Variants in ADGRG7 observed in about 807,000 individuals in gnomAD.
ADGRG7 encodes adhesion G protein-coupled receptor G7, also known as G-protein coupled receptor 128.
Under a neutral mutation model 88.6 loss-of-function variants are expected in ADGRG7, and 82 were observed. The ratio of observed to expected loss-of-function variants is 0.93; its 90% CI spans 0.77 to 1.11. ADGRG7 has a LOEUF of 1.11. Among genes scored for constraint, ADGRG7 ranks in the 50% most tolerant of loss-of-function variants. The pLI, the probability that ADGRG7 is intolerant of heterozygous loss-of-function variation, is 0.00. For synonymous variants in ADGRG7, 381 were observed against 345.2 expected (o/e 1.10, Z -1.15); for missense variants, 945 against 953.4 (o/e 0.99, Z 0.12).
At chr3:100,680,810 C>T (rs917901277) in intron 15 of ADGRG7, among the ~76,000 whole-genome samples, 4 of 152,072 alleles carry the variant, frequency 2.6e-5, no homozygotes, top group African/African-American at 9.7e-5. Flanking sequence ...ACCTGCTATG[C>T]AATGTTCTTA....
chr3:100,635,753 CT>C lies in ADGRG7; in HGVS notation c.525del (p.Ala176LeufsTer30). ...QILTSDANKL[T>X]AENITSATRV... ...TTAACATCTGATGCCAATAAATTAA[CT>C]GCTGAGAACATCACTAGTGCTACGC... On this transcript the variant is annotated frameshift_variant, in exon 5 of 16. Transcript: ENST00000273352. LOFTEE classifies it high-confidence loss of function. 6.2e-7 allele frequency: 1 copy of C among 1,613,980 alleles called. No homozygotes were observed. Among genetic ancestry groups the C allele is most frequent in the South Asian group, 1.1e-5 (1 of 91,068 alleles).
intron 15 of ADGRG7, among the ~76,000 whole-genome samples, chr3:100,684,095 G>A (rs1158311893): frequency 6.6e-6 from 1 of 152,002 alleles, no homozygotes; most frequent in East Asian, 1.9e-4. Flanking sequence ...GTCTAGCAGT[G>A]TACCAACTTC....
At chr3:100,692,116 G>A (rs1393278704) in intron 15 of ADGRG7, among the ~76,000 whole-genome samples, 1 of 152,224 alleles carries the variant, frequency 6.6e-6, no homozygotes, top group Non-Finnish European at 1.5e-5. Context: ...AATGGAAATT[G>A]TTAGGAAGGG....
intron 15 of ADGRG7, among the ~76,000 whole-genome samples, chr3:100,691,135 G>A (rs1311181211): frequency 6.6e-6 from 1 of 152,216 alleles, no homozygotes; most frequent in East Asian, 1.9e-4. Context: ...CAATGAGCAA[G>A]CCTCCATGGG....
At chr3:100,654,138 C>T (rs1032083326) in intron 11 of ADGRG7, 2 of 152,262 alleles carry the variant, frequency 1.3e-5, no homozygotes, top group African/African-American at 4.8e-5. Context: ...TCCCACAGCT[C>T]CACCCCGTTC....
chr3:100,690,778 A>G (rs1415227668), intron 15 of ADGRG7, among the ~76,000 whole-genome samples: 1 of 152,074 alleles, frequency 6.6e-6, no homozygotes, highest in South Asian at 2.1e-4. Flanking sequence ...GTCCGCCCCT[A>G]CTTGGGGGTG....
chr3:100,675,402 A>T (rs539035072), intron 15 of ADGRG7, among the ~76,000 whole-genome samples: 4 of 152,192 alleles, frequency 2.6e-5, no homozygotes, highest in Admixed American at 2.0e-4. Flanking sequence ...ACATTGATTG[A>T]TTTGCATATG....
intron 6 of ADGRG7, among the ~76,000 whole-genome samples, chr3:100,640,795 T>C (rs1164800306): frequency 6.6e-6 from 1 of 152,138 alleles, no homozygotes; most frequent in Non-Finnish European, 1.5e-5. Flanking sequence ...CTGTTGGGGT[T>C]ATAGGCGTGA....
chr3:100,637,403 G>T lies in ADGRG7; in HGVS notation c.698+1G>T. 6.2e-7 allele frequency: 1 copy of T among 1,605,740 alleles called. No individual in the cohort carries two copies. Among genetic ancestry groups the T allele is most frequent in the Non-Finnish European group, 8.5e-7 (1 of 1,172,856 alleles). On this transcript the variant is annotated splice_donor_variant, in intron 6 of 15. Coordinates refer to ENST00000273352, the MANE Select transcript of ADGRG7 (RefSeq NM_032787.3). LOFTEE classifies it high-confidence loss of function. ...CTGCTAATGATGATGCCCTTACAAC[G>T]TAAGCACAAATTCAATTTGGAAAGA...
At chr3:100,628,199 A>G (rs1047709635) in intron 1 of ADGRG7, among the ~76,000 whole-genome samples, 15 of 152,186 alleles carry the variant, frequency 9.9e-5, no homozygotes, top group Admixed American at 9.8e-4. Context: ...AATACTATAG[A>G]GACTTCGAAT....
At chr3:100,634,713 A>G (rs1707508045) in intron 4 of ADGRG7, among the ~76,000 whole-genome samples, 1 of 152,192 alleles carries the variant, frequency 6.6e-6, no homozygotes, top group Non-Finnish European at 1.5e-5. Flanking sequence ...CTGGCAAACC[A>G]GTGTTTGGTT....
chr3:100,682,426 C>T (rs1350766557), intron 15 of ADGRG7, among the ~76,000 whole-genome samples: 1 of 152,198 alleles, frequency 6.6e-6, no homozygotes, highest in Non-Finnish European at 1.5e-5. Context: ...ACGTGGCCAC[C>T]GCGCCCAACC....
At chr3:100,672,207 T>C (rs1200565507) in intron 15 of ADGRG7, among the ~76,000 whole-genome samples, 2 of 152,190 alleles carry the variant, frequency 1.3e-5, no homozygotes, top group Non-Finnish European at 2.9e-5. Context: ...GTTTTTCCAT[T>C]TATTTGTGTC....
chr3:100,684,640 T>G (rs1439200802), intron 15 of ADGRG7, among the ~76,000 whole-genome samples: 17 of 152,256 alleles, frequency 1.1e-4, no homozygotes, highest in Admixed American at 9.2e-4. Flanking sequence ...AACTAATGTT[T>G]GTTTTATTGT....
At chr3:100,689,313 G>A (rs1007943038) in intron 15 of ADGRG7, among the ~76,000 whole-genome samples, 1 of 152,102 alleles carries the variant, frequency 6.6e-6, no homozygotes, top group Non-Finnish European at 1.5e-5. Flanking sequence ...CACACTGATG[G>A]GTCTTGACTC....
At position 100,694,993 on chromosome 3, in the gene ADGRG7, A is replaced by G; in HGVS notation, c.2386A>G (p.Ser796Gly). The change falls in exon 16 of 16, where the codon AGC becomes GGC. Residue 796 changes from serine (S) to glycine (G), a missense_variant. Physicochemically the swap from Ser to Gly is moderately conservative, Grantham distance 56. Transcript: ENST00000273352. ...TLSESDNAKE[S>G]I ...CTCTGAAAGTGACAATGCAAAGGAAAGCATCTAGACAGTAAAACTTACCTG... is the reference window on the plus strand; with the variant it reads ...CTCTGAAAGTGACAATGCAAAGGAAGGCATCTAGACAGTAAAACTTACCTG... 1 of 1,614,150 alleles carries G rather than the reference A, an allele frequency of 6.2e-7. No individual in the cohort carries two copies. Among genetic ancestry groups the G allele is most frequent in the Non-Finnish European group, 8.5e-7 (1 of 1,179,986 alleles).
At position 100,643,492 on chromosome 3, in the gene ADGRG7, G is replaced by A. The variant is rs528132805; in HGVS notation, c.839-34G>A. ...ATAATGCTCTACTCATGATAATGTA[G>A]ACTTTTACAATTCTACTCTTTCCCT... is the stretch of plus-strand genomic sequence containing the variant. On this transcript the variant is annotated intron_variant, in intron 7 of 15. Transcript: ENST00000273352. 140 of 1,608,498 alleles carry A rather than the reference G, an allele frequency of 8.7e-5. 1 individual carries two copies. In the South Asian group the frequency reaches 1.5e-3, roughly 17 times the overall value.
At chr3:100,645,859 C>T in intron 8 of ADGRG7, 86 bp from the exon 9 acceptor site, 2 of 1,187,446 alleles carry the variant, frequency 1.7e-6, no homozygotes. Flanking sequence ...ATTAAGCAGC[C>T]ATGCACTTCT....
At chr3:100,688,928 G>T (rs7629392) in intron 15 of ADGRG7, among the ~76,000 whole-genome samples, 49,353 of 151,834 alleles carry the variant, frequency 0.33, 8,499 homozygotes, top group East Asian at 0.54. Context: ...TTCCTGGATA[G>T]CCTTGTTAAC....
Sources: allele counts gnomAD v4.1 joint callset (sites outside exome capture counted in the v4.1 genomes callset), GRCh38; gene constraint gnomAD v4.1.1; transcripts MANE v1.5; gene names NCBI Gene and HGNC (gene_info 2026-07-23, HGNC 2026-07-21).